The following ATG2B variants were observed in gnomAD, a reference collection of about 807,000 sequenced individuals.
ATG2B encodes autophagy related 2B, also known as autophagy-related protein 2 homolog B.
ATG2B carries 121 observed loss-of-function variants against 241.3 expected under a neutral mutation model. That is an observed-to-expected ratio of 0.50 (90% CI 0.43 to 0.58). The LOEUF is 0.58. Ranked by LOEUF, ATG2B falls within the 20% of genes least tolerant of loss-of-function variation. The pLI is 0.00. For missense variants in ATG2B, 2,306 were observed against 2,491.6 expected, an observed-to-expected ratio of 0.93 and a Z score of 1.59; for synonymous variants, 858 against 876.6, an observed-to-expected ratio of 0.98 and a Z score of 0.37.
intron 41 of ATG2B, among the ~76,000 whole-genome samples, chr14:96,288,085 C>T (rs1886387332): frequency 6.6e-6 from 1 of 152,032 alleles, no homozygotes. Context: ...TCAATCCACA[C>T]TTACTAATCT....
chr14:96,311,164 G>A lies in ATG2B; in HGVS notation c.4114C>T (p.Pro1372Ser). Residue 1372 changes from proline (P) to serine (S), a missense_variant, in exon 28 of 42, where the codon CCT becomes TCT. Around this residue, in one of 2 missense-constraint regions of ATG2B, gnomAD observed 1,927 missense variants for 2,011.2 expected, o/e 0.96. Coordinates refer to ENST00000359933, the MANE Select transcript of ATG2B (RefSeq NM_018036.7). ...CCAGGCTTCATATCTGCCTTGTTAG[G>A]TGTCTGCAAGTCACCATAGCTTGCA... ...YIASYGDLQT[P>S]NKADMKPGAF... 1 of 1,613,816 alleles carries A rather than the reference G, an allele frequency of 6.2e-7. No individual in the cohort carries two copies. The highest frequency in any genetic ancestry group is 8.5e-7 in the Non-Finnish European group (1 of 1,179,852).
At chr14:96,342,708 G>T (rs1888072300) in intron 5 of ATG2B, among the ~76,000 whole-genome samples, 2 of 125,066 alleles carry the variant, frequency 1.6e-5, no homozygotes, top group East Asian at 4.3e-4. Context: ...GGCGACAAGA[G>T]ACTCTCTCCA....
chr14:96,335,891 AGAAATATTTCATT>A (rs1221803605), intron 6 of ATG2B, among the ~76,000 whole-genome samples: 1 of 152,238 alleles, frequency 6.6e-6, no homozygotes, highest in East Asian at 1.9e-4. Context: ...AAATTTTCAT[AGAAATATTTCATT>A]ATTTGTACAT....
At chr14:96,328,797 G>T in intron 12 of ATG2B, 31 bp from the exon 13 acceptor site, 1 of 1,500,808 alleles carries the variant, frequency 6.7e-7, no homozygotes, top group Non-Finnish European at 9.2e-7. Flanking sequence ...TAAATTAAAT[G>T]TATTAATCAC....
intron 23 of ATG2B, among the ~76,000 whole-genome samples, chr14:96,314,095 T>A (rs1034694450): frequency 6.6e-6 from 1 of 152,192 alleles, no homozygotes; most frequent in African/African-American, 2.4e-5. Context: ...CTGCTAAATG[T>A]CTCCCTTCCA....
chr14:96,286,723 A>G (rs972718475), intron 41 of ATG2B, among the ~76,000 whole-genome samples: 1 of 152,122 alleles, frequency 6.6e-6, no homozygotes, highest in African/African-American at 2.4e-5. Context: ...AATCTTTACC[A>G]TTTATCTAAC....
At position 96,291,692 on chromosome 14, in the gene ATG2B, T is replaced by C. The variant is rs766157838; in HGVS notation, c.5497-10A>G. The C allele has an allele frequency of 5.0e-6, 8 of 1,590,092 alleles. No individual in the cohort carries two copies. In the South Asian group the frequency reaches 7.9e-5, roughly 16 times the overall value. On this transcript the variant is annotated splice_polypyrimidine_tract_variant and intron_variant, in intron 37 of 41. Coordinates refer to ENST00000359933, the MANE Select transcript of ATG2B (RefSeq NM_018036.7). ...TCCCAGCTAGCGTACCCTTCAAAAT[T>C]AAAAAAGGCCAAATTAACCTTACTG...
intron 10 of ATG2B, 142 bp downstream of exon 10, chr14:96,332,163 G>A: frequency 1.6e-6 from 1 of 631,000 alleles, no homozygotes; most frequent in Non-Finnish European, 2.8e-6. Flanking sequence ...ACAGTGAATT[G>A]TTTAACAATG....
In ATG2B at chr14:96,344,710, A is replaced by G. The variant is rs1238154411; in HGVS notation, c.525T>C (p.Ile175=). The G allele has an allele frequency of 6.2e-7, 1 of 1,606,616 alleles. No homozygotes were observed. The highest frequency in any genetic ancestry group is 1.3e-5 in the African/African-American group (1 of 74,704). ...KVTFIDTVLR[I]EHVPENSKTG... Reference sequence around the variant, plus strand: ...TTTTGGAATTTTCTGGCACATGTTCAATTCTCAAAACAGTATCTATAAAAG... The same window carrying G: ...TTTTGGAATTTTCTGGCACATGTTCGATTCTCAAAACAGTATCTATAAAAG... Residue 175 remains isoleucine (I), a synonymous_variant, in exon 4 of 42, where the codon ATT becomes ATC. Transcript: ENST00000359933.
At position 96,280,023 on chromosome 14, in the gene ATG2B, T is replaced by G. The variant is rs1487635571; in HGVS notation, c.*5732A>C. 3 of 152,260 alleles carry G rather than the reference T, an allele frequency of 2.0e-5. No individual in the cohort carries two copies. Among genetic ancestry groups the G allele is most frequent in the African/African-American group, 7.2e-5 (3 of 41,420 alleles). The allele number at this position is 152,260 out of a possible 1,614,324, so 9.4% of individuals were successfully genotyped here. The stretch of plus-strand genomic sequence containing the variant: ...AATCAGTGTTGACTGTGGCCTGTGG[T>G]GCAGCATTTATAGAAAGAAATCTTC... On this transcript the variant is annotated 3_prime_UTR_variant, in exon 42 of 42. Transcript: ENST00000359933.
intron 1 of ATG2B, among the ~76,000 whole-genome samples, chr14:96,350,018 T>C (rs1485933277): frequency 6.6e-6 from 1 of 152,064 alleles, no homozygotes; most frequent in African/African-American, 2.4e-5. Context: ...TAACCAGGTG[T>C]AGTGGCACAT....
intron 4 of ATG2B, 87 bp downstream of exon 4, chr14:96,344,567 C>T (rs1051204010): frequency 2.2e-5 from 13 of 592,360 alleles, no homozygotes; most frequent in Non-Finnish European, 3.5e-5. Flanking sequence ...ATTTTCATAT[C>T]ATTAGCTCTA....
intron 32 of ATG2B, 111 bp from the exon 33 acceptor site, chr14:96,303,366 T>A: frequency 1.2e-6 from 1 of 853,156 alleles, no homozygotes; most frequent in Non-Finnish European, 1.7e-6. Flanking sequence ...GAATTCTACC[T>A]CAGCTTACAA....
In ATG2B at chr14:96,317,354, A is replaced by T. The variant is rs760675053; in HGVS notation, c.3038-37T>A. 7.9e-6 allele frequency: 12 copies of T among 1,511,034 alleles called. No individual in the cohort carries two copies. The African/African-American group carries it at 9.8e-5, about 12-fold the overall frequency. The allele number at this position is 1,511,034 out of a possible 1,614,324, so 93.6% of individuals were successfully genotyped here. A position where few individuals can be genotyped will look rare whatever the true frequency, so the allele number is the denominator to read the frequency against. Reference sequence around the variant, plus strand: ...AAACATACAATTACATTCTGATAGCATATTAAAACAGCAACATAAAAATGA... The same window carrying T: ...AAACATACAATTACATTCTGATAGCTTATTAAAACAGCAACATAAAAATGA... On this transcript the variant is annotated intron_variant, in intron 19 of 41. Coordinates refer to ENST00000359933, the MANE Select transcript of ATG2B (RefSeq NM_018036.7).
intron 25 of ATG2B, 104 bp downstream of exon 25, chr14:96,312,961 A>G: frequency 1.5e-6 from 1 of 677,904 alleles, no homozygotes; most frequent in Non-Finnish European, 2.4e-6. Context: ...TAGTAAAAGA[A>G]CGTTTAACAA....
chr14:96,317,035 C>A, intron 20 of ATG2B, 110 bp downstream of exon 20: 1 of 1,090,424 alleles, frequency 9.2e-7, no homozygotes, highest in Non-Finnish European at 1.3e-6. Flanking sequence ...TTCATCAGTC[C>A]CTGAAACAAC....
intron 20 of ATG2B, among the ~76,000 whole-genome samples, 175 bp downstream of exon 20, chr14:96,316,970 C>T (rs939912746): frequency 2.6e-5 from 4 of 152,216 alleles, no homozygotes; most frequent in South Asian, 2.1e-4. Context: ...TGATCTGCAA[C>T]GAAAGCTAAA....
intron 1 of ATG2B, among the ~76,000 whole-genome samples, chr14:96,359,622 C>T (rs536395506): frequency 6.6e-6 from 1 of 152,220 alleles, no homozygotes; most frequent in Non-Finnish European, 1.5e-5. Flanking sequence ...AACTTCCCAC[C>T]CCAAATAGAA....
intron 11 of ATG2B, among the ~76,000 whole-genome samples, chr14:96,330,508 A>C (rs1342563758): frequency 6.6e-6 from 1 of 152,178 alleles, no homozygotes; most frequent in Non-Finnish European, 1.5e-5. Flanking sequence ...TCACGCCTGT[A>C]ATCCCAGCAC....
Sources: allele counts gnomAD v4.1 joint callset (sites outside exome capture counted in the v4.1 genomes callset), GRCh38; gene constraint gnomAD v4.1.1; regional missense constraint gnomAD v4.1.1; transcripts MANE v1.5; gene names NCBI Gene and HGNC (gene_info 2026-07-23, HGNC 2026-07-21).